Variants in SHISA6 observed in about 807,000 individuals in gnomAD.
SHISA6 encodes the protein protein shisa-6.
SHISA6 carries 22 observed loss-of-function variants against 47.9 expected under a neutral mutation model. That is an observed-to-expected ratio of 0.46 (90% CI 0.33 to 0.66). SHISA6 has a LOEUF of 0.66. SHISA6 is among the 30% of genes least tolerant of loss of function. SHISA6 has a pLI of 0.02. For missense variants in SHISA6, 680 were observed against 764.6 expected (o/e 0.89, Z 1.30); for synonymous variants, 388 against 337.8 (o/e 1.15, Z -1.63).
chr17:11,256,822 TG>T, intron 1 of SHISA6, among the ~76,000 whole-genome samples: 1 of 152,322 alleles, frequency 6.6e-6, no homozygotes, highest in South Asian at 2.1e-4. Context: ...GTGAAGATGA[TG>T]CTGTTAGGAT....
chr17:11,381,599 A>G (rs1913011170), intron 3 of SHISA6, among the ~76,000 whole-genome samples: 1 of 152,194 alleles, frequency 6.6e-6, no homozygotes, highest in South Asian at 2.1e-4. Flanking sequence ...GAGTGGAAAG[A>G]GAGAGGATCC....
At chr17:11,365,069 C>A (rs1191290149) in intron 2 of SHISA6, among the ~76,000 whole-genome samples, 9 of 152,046 alleles carry the variant, frequency 5.9e-5, no homozygotes, top group Admixed American at 5.9e-4. Context: ...TATTCTTGAC[C>A]ACCTCAAGAA....
chr17:11,319,930 G>C lies in SHISA6; in HGVS notation c.799+56404G>C, dbSNP rs539398292. Reference sequence around the variant, plus strand: ...AGCGGATTGCCTAAAAAGAAAACTAGAAGACAAGAATTTGGAAAAGTTCTA... The same window carrying C: ...AGCGGATTGCCTAAAAAGAAAACTACAAGACAAGAATTTGGAAAAGTTCTA... On this transcript the variant is annotated intron_variant, in intron 2 of 5. Transcript: ENST00000441885. 3.8e-3 allele frequency among the ~76,000 whole-genome samples: 574 copies of C among 152,290 alleles called. 5 individuals are homozygous for C. Among genetic ancestry groups the C allele is most frequent in the Non-Finnish European group, 4.5e-3 (303 of 68,014 alleles).
chr17:11,303,173 A>G (rs1909984662), intron 2 of SHISA6, among the ~76,000 whole-genome samples: 3 of 151,586 alleles, frequency 2.0e-5, no homozygotes, highest in Non-Finnish European at 4.4e-5. Context: ...TTACCAGTGT[A>G]GTTATGTTTG....
At chr17:11,269,094 T>G (rs916574961) in intron 2 of SHISA6, among the ~76,000 whole-genome samples, 1 of 151,304 alleles carries the variant, frequency 6.6e-6, no homozygotes, top group African/African-American at 2.4e-5. Context: ...CAGGCTGGAG[T>G]GCAGTGGCGC....
intron 3 of SHISA6, among the ~76,000 whole-genome samples, chr17:11,407,080 A>G (rs953317240): frequency 6.6e-6 from 1 of 152,236 alleles, no homozygotes; most frequent in Admixed American, 6.5e-5. Context: ...GTATTTGGAC[A>G]TAAATAATAA....
chr17:11,453,074 T>C (rs1915446874), intron 3 of SHISA6, among the ~76,000 whole-genome samples: 1 of 152,122 alleles, frequency 6.6e-6, no homozygotes, highest in African/African-American at 2.4e-5. Context: ...AGACAGGCAT[T>C]GGCATTAATT....
intron 2 of SHISA6, among the ~76,000 whole-genome samples, chr17:11,344,039 T>C (rs1911619236): frequency 6.6e-6 from 1 of 152,182 alleles, no homozygotes; most frequent in South Asian, 2.1e-4. Flanking sequence ...TAAAGTGGTG[T>C]CTTATAGTGG....
At chr17:11,253,256 C>G (rs570692431) in intron 1 of SHISA6, among the ~76,000 whole-genome samples, 1 of 152,126 alleles carries the variant, frequency 6.6e-6, no homozygotes, top group South Asian at 2.1e-4. Flanking sequence ...TTCATTAAGC[C>G]GCATCGATTT....
chr17:11,270,537 GA>G (rs1419746861), intron 2 of SHISA6, among the ~76,000 whole-genome samples: 2 of 152,160 alleles, frequency 1.3e-5, no homozygotes, highest in Non-Finnish European at 2.9e-5. Context: ...ACGTTTTCCA[GA>G]AAGGGCCAGA....
At chr17:11,328,363 G>C (rs1268572927) in intron 2 of SHISA6, among the ~76,000 whole-genome samples, 1 of 152,186 alleles carries the variant, frequency 6.6e-6, no homozygotes, top group Non-Finnish European at 1.5e-5. Context: ...CGGAGCCACA[G>C]CTCTGGGGCT....
At chr17:11,257,172 A>G (rs1390067681) in intron 1 of SHISA6, among the ~76,000 whole-genome samples, 1 of 152,202 alleles carries the variant, frequency 6.6e-6, no homozygotes, top group Non-Finnish European at 1.5e-5. Context: ...GTGTTTTTCA[A>G]GTGGACTCCG....
chr17:11,517,351 CT>C (rs2142360042), intron 3 of SHISA6, among the ~76,000 whole-genome samples: 1 of 152,264 alleles, frequency 6.6e-6, no homozygotes, highest in Non-Finnish European at 1.5e-5. Flanking sequence ...TAAATTGGCA[CT>C]TTACATAAGA....
At chr17:11,391,660 G>A (rs1299307579) in intron 3 of SHISA6, among the ~76,000 whole-genome samples, 2 of 152,102 alleles carry the variant, frequency 1.3e-5, no homozygotes, top group South Asian at 2.1e-4. Flanking sequence ...TATGGATTTC[G>A]TGCTCCCCAG....
At chr17:11,263,277 T>G in intron 1 of SHISA6, 89 bp from the exon 2 acceptor site, 1 of 1,341,844 alleles carries the variant, frequency 7.5e-7, no homozygotes, top group Non-Finnish European at 1.0e-6. Flanking sequence ...TCTCTGTAAA[T>G]CAAAGGGCAT....
chr17:11,271,976 T>G (rs140188700), intron 2 of SHISA6, among the ~76,000 whole-genome samples: 110 of 152,198 alleles, frequency 7.2e-4, no homozygotes, highest in African/African-American at 2.4e-3. Flanking sequence ...TTTCACACTC[T>G]TCCTGTCTCT....
At chr17:11,440,535 G>T (rs1202563286) in intron 3 of SHISA6, among the ~76,000 whole-genome samples, 1 of 150,962 alleles carries the variant, frequency 6.6e-6, no homozygotes, top group African/African-American at 2.4e-5. Context: ...TAGCCTTAGG[G>T]CTAACTCTTA....
At chr17:11,304,678 A>C (rs919465212) in intron 2 of SHISA6, among the ~76,000 whole-genome samples, 1 of 152,086 alleles carries the variant, frequency 6.6e-6, no homozygotes. Flanking sequence ...CCAAGGAAGG[A>C]GTGCCAGTGA....
intron 1 of SHISA6, among the ~76,000 whole-genome samples, chr17:11,246,291 C>T (rs184402828): frequency 6.6e-6 from 1 of 152,056 alleles, no homozygotes; most frequent in Admixed American, 6.5e-5. Flanking sequence ...GAGATTGAGA[C>T]CATCCTGGCT....
Sources: gnomAD v4.1 joint callset for allele counts (sites outside exome capture counted in the v4.1 genomes callset) on GRCh38, gnomAD v4.1.1 for gene constraint, MANE v1.5 for transcripts, NCBI Gene and HGNC (gene_info 2026-07-23, HGNC 2026-07-21) for gene names.